NIBAN2: variants seen among roughly 807,000 people sequenced by gnomAD.
NIBAN2 encodes the protein protein Niban 2.
A neutral mutation model predicts 81.8 loss-of-function variants in NIBAN2; 36 were observed. The ratio of observed to expected loss-of-function variants is 0.44; its 90% confidence interval spans 0.34 to 0.58. The LOEUF (loss-of-function observed/expected upper bound fraction) is 0.58. Ranked by LOEUF, NIBAN2 falls within the 20% of genes least tolerant of loss-of-function variation. The probability of loss-of-function intolerance (pLI) is 0.02; values close to 1 mark genes in which losing one functional copy is unlikely to be tolerated. For missense variants in NIBAN2, 897 were observed against 1,014.1 expected (o/e 0.88, Z 1.57); for synonymous variants, 445 against 441.6 (o/e 1.01, Z -0.10).
chr9:127,510,725 A>G (rs550392503), intron 8 of NIBAN2, among the ~76,000 whole-genome samples: 11 of 151,940 alleles, frequency 7.2e-5, no homozygotes, highest in African/African-American at 2.7e-4. Context: ...ATGAGCCACC[A>G]TGCCCGGCCT....
chr9:127,514,006 G>A (rs1177118990), intron 8 of NIBAN2, among the ~76,000 whole-genome samples: 1 of 152,140 alleles, frequency 6.6e-6, no homozygotes, highest in Non-Finnish European at 1.5e-5. Context: ...CAGTGGCTCA[G>A]GCCTGTAATC....
intron 1 of NIBAN2, among the ~76,000 whole-genome samples, chr9:127,537,191 C>T (rs1837295418): frequency 6.6e-6 from 1 of 152,200 alleles, no homozygotes. Flanking sequence ...CCCGCCCTGC[C>T]ATATGCCAGC....
intron 5 of NIBAN2, among the ~76,000 whole-genome samples, chr9:127,521,469 C>T (rs1836940212): frequency 6.6e-6 from 1 of 152,184 alleles, no homozygotes; most frequent in Non-Finnish European, 1.5e-5. Context: ...TGCCTCCTGC[C>T]ACCCCCAGCT....
intron 1 of NIBAN2, among the ~76,000 whole-genome samples, chr9:127,578,190 C>CAA (rs35548393): frequency 8.2e-5 from 9 of 110,178 alleles, no homozygotes; most frequent in African/African-American, 2.4e-4. Context: ...GACTCCATCT[C>CAA]AAAAAAAAAA....
rs1588148818 is a variant in NIBAN2, at chr9:127,507,356, T to C, written c.1730A>G (p.Asn577Ser). ...DSMVMHNSDP[N>S]LHLLAEGAPI... is the part of the protein sequence containing the mutation. Reference sequence around the variant, plus strand: ...GGCGCCCTCGGCCAGCAGGTGCAGGTTGGGGTCGCTGTTGTGCATGACCAT... The same window carrying C: ...GGCGCCCTCGGCCAGCAGGTGCAGGCTGGGGTCGCTGTTGTGCATGACCAT... Residue 577 changes from asparagine (N) to serine (S), a missense_variant, in exon 14 of 14, where the codon AAC becomes AGC. Physicochemically the swap from Asn to Ser is conservative, Grantham distance 46 (BLOSUM62 1). Coordinates refer to ENST00000373312, the MANE Select transcript of NIBAN2 (RefSeq NM_022833.4). The surrounding 1 kb of genome is among the most constrained non-coding windows in gnomAD (Gnocchi z 6.8). 1 of 1,539,976 alleles carries C rather than the reference T, an allele frequency of 6.5e-7. No homozygotes were observed. The highest frequency in any genetic ancestry group is 1.2e-5 in the South Asian group (1 of 80,488).
chr9:127,566,544 G>A (rs1332766597), intron 1 of NIBAN2, among the ~76,000 whole-genome samples: 1 of 152,184 alleles, frequency 6.6e-6, no homozygotes, highest in Non-Finnish European at 1.5e-5. Context: ...ACCTTTGCCA[G>A]GACTTGCAGG....
intron 5 of NIBAN2, among the ~76,000 whole-genome samples, chr9:127,519,888 T>C (rs992290786): frequency 2.6e-5 from 4 of 152,110 alleles, no homozygotes; most frequent in Non-Finnish European, 5.9e-5. Flanking sequence ...GACTGGAAAA[T>C]CTGGACAGTG....
Position 127,517,807 on chromosome 9 carries a change from C to G in NIBAN2, c.705+19G>C. ...TTGGGTGACTTCTGAGGTTTCCTCA[C>G]CAGCCCGTCTGGCCTCACCTGCACC... On this transcript the variant is annotated intron_variant, in intron 6 of 13. Transcript: ENST00000373312. The surrounding 1 kb of genome is among the most constrained non-coding windows in gnomAD (Gnocchi z 4.0). 6.3e-7 allele frequency: 1 copy of G among 1,599,374 alleles called. No homozygotes were observed. Among genetic ancestry groups the G allele is most frequent in the Non-Finnish European group, 8.6e-7 (1 of 1,168,110 alleles).
At chr9:127,548,447 G>A (rs907545216) in intron 1 of NIBAN2, among the ~76,000 whole-genome samples, 1 of 152,126 alleles carries the variant, frequency 6.6e-6, no homozygotes, top group Non-Finnish European at 1.5e-5. Context: ...CAGCTCTGCC[G>A]CCAACTCACG....
At chr9:127,549,439 G>GCA (rs1435152124) in intron 1 of NIBAN2, among the ~76,000 whole-genome samples, 2 of 151,888 alleles carry the variant, frequency 1.3e-5, no homozygotes, top group East Asian at 1.9e-4. Flanking sequence ...ACATGTGCAG[G>GCA]CACACACACG....
chr9:127,549,433 G>A (rs765275291), intron 1 of NIBAN2, among the ~76,000 whole-genome samples: 3 of 151,990 alleles, frequency 2.0e-5, no homozygotes, highest in Non-Finnish European at 4.4e-5. Flanking sequence ...GCACTCACAT[G>A]TGCAGGCACA....
intron 8 of NIBAN2, among the ~76,000 whole-genome samples, chr9:127,514,023 C>T (rs1307517414): frequency 6.6e-6 from 1 of 152,154 alleles, no homozygotes; most frequent in African/African-American, 2.4e-5. Flanking sequence ...AATCCCAGCA[C>T]TTTGGGAGGC....
At chr9:127,534,761 A>T (rs569501368) in intron 1 of NIBAN2, among the ~76,000 whole-genome samples, 9 of 152,274 alleles carry the variant, frequency 5.9e-5, no homozygotes, top group Admixed American at 1.3e-4. Context: ...CTATTTTTTA[A>T]AAACCATAAA....
intron 1 of NIBAN2, among the ~76,000 whole-genome samples, chr9:127,550,834 C>T (rs188689461): frequency 6.6e-6 from 1 of 152,202 alleles, no homozygotes; most frequent in East Asian, 1.9e-4. Flanking sequence ...GAAACTAAGG[C>T]GGTCACCTAA....
At chr9:127,567,436 T>C (rs1588193088) in intron 1 of NIBAN2, among the ~76,000 whole-genome samples, 2 of 152,236 alleles carry the variant, frequency 1.3e-5, no homozygotes, top group East Asian at 1.9e-4. Flanking sequence ...GTCCGATTCA[T>C]TTTCACATCA....
At chr9:127,551,187 G>A (rs887894290) in intron 1 of NIBAN2, among the ~76,000 whole-genome samples, 18 of 151,948 alleles carry the variant, frequency 1.2e-4, no homozygotes, top group African/African-American at 4.1e-4. Flanking sequence ...TCAGGAGTTC[G>A]AGACCAGCCT....
At chr9:127,525,854 G>A (rs146230719) in intron 3 of NIBAN2, among the ~76,000 whole-genome samples, 1 of 152,120 alleles carries the variant, frequency 6.6e-6, no homozygotes, top group African/African-American at 2.4e-5. Context: ...ACCCTGAACT[G>A]CCCCCACCAA....
intron 1 of NIBAN2, among the ~76,000 whole-genome samples, chr9:127,560,457 G>T (rs1030286819): frequency 2.6e-5 from 4 of 152,010 alleles, no homozygotes; most frequent in Non-Finnish European, 5.9e-5. Context: ...ATGCCTCCAA[G>T]GCCTCCCTGG....
At chr9:127,569,295 G>A (rs1370637946), upstream of NIBAN2, among the ~76,000 whole-genome samples, 1 of 150,380 alleles carries the variant, frequency 6.6e-6, no homozygotes, top group Admixed American at 6.6e-5. Context: ...TGCCTCCGGC[G>A]GGCGGGGCAC....
Sources: allele counts gnomAD v4.1 joint callset (sites outside exome capture counted in the v4.1 genomes callset), GRCh38; gene constraint gnomAD v4.1.1; non-coding constraint Gnocchi (gnomAD v3.1); transcripts MANE v1.5; gene names NCBI Gene and HGNC (gene_info 2026-07-23, HGNC 2026-07-21).